The following ADGRG1 variants were observed in gnomAD, a reference collection of about 807,000 sequenced individuals.
The protein encoded by ADGRG1 is adhesion G protein-coupled receptor G1.
ADGRG1 carries 53 observed loss-of-function variants against 73.5 expected under a neutral mutation model. The observed-to-expected ratio is 0.72, with a 90% CI of 0.58 to 0.91. The LOEUF (loss-of-function observed/expected upper bound fraction) is 0.91. ADGRG1 is among the 40% of genes least tolerant of loss of function. ADGRG1 has a pLI of 0.00. For synonymous variants in ADGRG1, 394 were observed against 374.4 expected (o/e 1.05, Z -0.60); for missense variants, 795 against 871.8 (o/e 0.91, Z 1.11).
chr16:57,650,209 C>T, intron 1 of ADGRG1, 44 bp from the exon 2 acceptor site: 3 of 1,558,654 alleles, frequency 1.9e-6, no homozygotes, highest in Non-Finnish European at 2.7e-6. Context: ...AGCCCAACCA[C>T]CACACAGTCC....
rs377047614 is a variant in ADGRG1 at position 57,663,627 on chromosome 16, C to T, written c.*45C>T. On this transcript the variant is annotated 3_prime_UTR_variant, in exon 14 of 14. Coordinates refer to ENST00000562631, the MANE Select transcript of ADGRG1 (RefSeq NM_201525.4). ...ATGTGATGAAGCAGAGATTCGGCCTCGTCGCACACTGCCTGTGGCCCCCGA... is the reference window on the plus strand; with the variant it reads ...ATGTGATGAAGCAGAGATTCGGCCTTGTCGCACACTGCCTGTGGCCCCCGA... The T allele has an allele frequency of 1.3e-4, 211 of 1,598,186 alleles. No homozygotes were observed. The highest frequency in any genetic ancestry group is 7.5e-4 in the Admixed American group (45 of 59,962).
intron 1 of ADGRG1, chr16:57,636,761 C>A: frequency 1.1e-6 from 1 of 922,032 alleles, no homozygotes; most frequent in Non-Finnish European, 1.3e-6. Context: ...TTCTATGGAC[C>A]AGGCACTGTG....
chr16:57,628,055 G>C, upstream of ADGRG1: 2 of 910,234 alleles, frequency 2.2e-6, no homozygotes, highest in Non-Finnish European at 2.5e-6. Flanking sequence ...TGAGAGGGGA[G>C]ACGGGTCACC....
At chr16:57,634,223 G>T in intron 1 of ADGRG1, 1 of 985,438 alleles carries the variant, frequency 1.0e-6, no homozygotes, top group Non-Finnish European at 1.2e-6. Context: ...GCCTCAGGGT[G>T]TGGCTCTGTG....
chr16:57,662,044 A>G, intron 13 of ADGRG1, 79 bp downstream of exon 13: 1 of 1,161,042 alleles, frequency 8.6e-7, no homozygotes, highest in Non-Finnish European at 1.3e-6. Flanking sequence ...CACCCAGGGA[A>G]CCTGAAGACT....
At chr16:57,637,207 T>G (rs2039577380) in intron 1 of ADGRG1, 1 of 554,504 alleles carries the variant, frequency 1.8e-6, no homozygotes, top group South Asian at 7.8e-5. Context: ...CTCAGTTCTC[T>G]GACTTACAAA....
intron 2 of ADGRG1, among the ~76,000 whole-genome samples, chr16:57,622,333 G>A (rs574414531): frequency 2.0e-5 from 3 of 152,276 alleles, no homozygotes; most frequent in South Asian, 2.1e-4. Flanking sequence ...GCTGGGTGGC[G>A]TCTAGGTGGA....
intron 1 of ADGRG1, chr16:57,635,352 G>A (rs1443241062): frequency 9.1e-6 from 9 of 985,242 alleles, no homozygotes; most frequent in African/African-American, 1.7e-5. Flanking sequence ...GGGACCAGGT[G>A]CACACGGTCT....
At chr16:57,623,721 A>G (rs953408188), upstream of ADGRG1, 1 of 860,886 alleles carries the variant, frequency 1.2e-6, no homozygotes, top group African/African-American at 1.8e-5. Context: ...GCTGAGTCAC[A>G]TGTGCAACGC....
At chr16:57,640,997 G>A in intron 1 of ADGRG1, 4 of 985,526 alleles carry the variant, frequency 4.1e-6, no homozygotes, top group Non-Finnish European at 4.8e-6. Context: ...GTTTGAGAGG[G>A]AAGACAGTCT....
chr16:57,663,818 C>G lies in ADGRG1; in HGVS notation c.*236C>G. 1.7e-6 allele frequency: 1 copy of G among 591,516 alleles called. No individual in the cohort carries two copies. Among genetic ancestry groups the G allele is most frequent in the Non-Finnish European group, 3.0e-6 (1 of 330,684 alleles). 36.6% of individuals were successfully genotyped at this position (591,516 alleles called of 1,614,324 possible). On this transcript the variant is annotated 3_prime_UTR_variant, in exon 14 of 14. Transcript: ENST00000562631. The stretch of plus-strand genomic sequence containing the variant: ...TCCCACGGGACTCAGAAGTGCGCCG[C>G]CATGCTGCCTAGGGTACTGTCCCCA...
chr16:57,631,272 G>GCA (rs1326987037), intron 1 of ADGRG1: 20 of 986,344 alleles, frequency 2.0e-5, no homozygotes, highest in African/African-American at 1.6e-4. Flanking sequence ...AGGCAGGTAA[G>GCA]AGGAGTGGGC....
intron 13 of ADGRG1, chr16:57,662,856 G>A: frequency 2.3e-6 from 2 of 858,152 alleles, no homozygotes; most frequent in Non-Finnish European, 2.8e-6. Flanking sequence ...GGGGTTGTAT[G>A]GCCAGGCCCA....
At chr16:57,663,112 G>C in intron 13 of ADGRG1, 1 of 978,586 alleles carries the variant, frequency 1.0e-6, no homozygotes, top group Non-Finnish European at 1.2e-6. Flanking sequence ...CAGTGCTTAA[G>C]TGGGTGGACT....
rs561792794 is a variant in ADGRG1 at position 57,634,420 on chromosome 16, G to A, written c.-36+5618G>A. 5.0e-5 allele frequency: 49 copies of A among 985,458 alleles called. No individual in the cohort carries two copies. The East Asian group carries it at 5.4e-3, about 109-fold the overall frequency. 61.0% of individuals were successfully genotyped at this position (985,458 alleles called of 1,614,324 possible). A position where few individuals can be genotyped will look rare whatever the true frequency, so the allele number is the denominator to read the frequency against. ...TCACCATCTGGGCACGGGCCAAACA[G>A]TTCAGGGGCGACTCACAGCCCAAAC... On this transcript the variant is annotated intron_variant, in intron 1 of 13. Coordinates refer to ENST00000562631, the MANE Select transcript of ADGRG1 (RefSeq NM_201525.4).
At chr16:57,662,418 G>T (rs1187482367) in intron 13 of ADGRG1, among the ~76,000 whole-genome samples, 4 of 152,108 alleles carry the variant, frequency 2.6e-5, no homozygotes, top group African/African-American at 9.7e-5. Flanking sequence ...GAGATGGGGG[G>T]GCCTCCCTAC....
Position 57,664,009 on chromosome 16 carries a change from A to C in ADGRG1, c.*427A>C. ...TCCAGTTGCTCTGTCTCTCGTGGTC[A>C]CCCTGAGGGCACTCTGCATCCTCTG... On this transcript the variant is annotated 3_prime_UTR_variant, in exon 14 of 14. Coordinates refer to ENST00000562631, the MANE Select transcript of ADGRG1 (RefSeq NM_201525.4). 4.0e-6 allele frequency: 1 copy of C among 251,054 alleles called. No individual in the cohort carries two copies. Among genetic ancestry groups the C allele is most frequent in the Non-Finnish European group, 7.9e-6 (1 of 126,920 alleles). 15.6% of individuals were successfully genotyped at this position (251,054 alleles called of 1,614,324 possible). A position where few individuals can be genotyped will look rare whatever the true frequency, so the allele number is the denominator to read the frequency against.
At chr16:57,641,975 A>C (rs1486227952) in intron 1 of ADGRG1, 8 of 441,076 alleles carry the variant, frequency 1.8e-5, no homozygotes, top group African/African-American at 2.2e-5. Context: ...GCAGCCTCAA[A>C]CTCCTGGGCT....
Position 57,650,997 on chromosome 16 carries a change from C to T in ADGRG1, c.65-203C>T, listed in dbSNP as rs984274627. 8 of 975,208 alleles carry T rather than the reference C, an allele frequency of 8.2e-6. No individual in the cohort carries two copies. The African/African-American group carries it at 1.1e-4, about 13-fold the overall frequency. The allele number at this position is 975,208 out of a possible 1,614,324, so 60.4% of individuals were successfully genotyped here. On this transcript the variant is annotated intron_variant, in intron 2 of 13. Transcript: ENST00000562631. ...TGCTGGGATTACAGGCGTGAGCCAC[C>T]GCGCCCGGCCTCAGTTTCCTCTTTT... is the stretch of plus-strand genomic sequence containing the variant.
Sources: gnomAD v4.1 joint callset for allele counts (sites outside exome capture counted in the v4.1 genomes callset) on GRCh38, gnomAD v4.1.1 for gene constraint, MANE v1.5 for transcripts, NCBI Gene and HGNC (gene_info 2026-07-23, HGNC 2026-07-21) for gene names.